DNAH14: variants seen among roughly 807,000 people sequenced by gnomAD.
DNAH14 encodes the protein axonemal beta dynein heavy chain 14.
Under a neutral mutation model 520.9 loss-of-function variants are expected in DNAH14, and 478 were observed. That is an observed-to-expected ratio of 0.92 (90% CI 0.85 to 0.99). The LOEUF (loss-of-function observed/expected upper bound fraction) is 0.99. DNAH14 is among the 50% of genes least tolerant of loss of function. The pLI, the probability that DNAH14 is intolerant of heterozygous loss-of-function variation, is 0.00. For synonymous variants in DNAH14, 1,581 were observed against 1,757.2 expected, an observed-to-expected ratio of 0.90 and a Z score of 2.51; for missense variants, 4,831 against 5,234.5, an observed-to-expected ratio of 0.92 and a Z score of 2.38.
intron 55 of DNAH14, among the ~76,000 whole-genome samples, chr1:225,295,861 T>C (rs1387551443): frequency 1.3e-5 from 2 of 152,212 alleles, no homozygotes; most frequent in African/African-American, 2.4e-5. Context: ...CCCCAACTAT[T>C]ATTGTATTGG....
chr1:225,004,696 G>T (rs911264283), intron 9 of DNAH14, among the ~76,000 whole-genome samples: 1 of 152,142 alleles, frequency 6.6e-6, no homozygotes, highest in African/African-American at 2.4e-5. Context: ...GATGGAGGAA[G>T]AGTGGAGATT....
chr1:225,394,428 G>A (rs2095973949), intron 84 of DNAH14, among the ~76,000 whole-genome samples: 1 of 152,082 alleles, frequency 6.6e-6, no homozygotes, highest in Non-Finnish European at 1.5e-5. Flanking sequence ...TTTATTTAGG[G>A]TTAATGCTTT....
At chr1:225,335,878 C>T (rs1390771696) in intron 66 of DNAH14, among the ~76,000 whole-genome samples, 10 of 27,340 alleles carry the variant, frequency 3.7e-4, no homozygotes, top group South Asian at 1.7e-3. Flanking sequence ...TACACATATA[C>T]ATATATGTAC....
intron 75 of DNAH14, among the ~76,000 whole-genome samples, chr1:225,363,444 T>A (rs983278910): frequency 2.0e-5 from 3 of 152,210 alleles, no homozygotes; most frequent in African/African-American, 7.2e-5. Context: ...TATGTTGCCC[T>A]AGCTGAACTT....
At chr1:225,274,356 C>T (rs1409924904) in intron 52 of DNAH14, among the ~76,000 whole-genome samples, 1 of 151,852 alleles carries the variant, frequency 6.6e-6, no homozygotes, top group Non-Finnish European at 1.5e-5. Flanking sequence ...AGGCGCCCGC[C>T]ACTGCGCCCG....
intron 47 of DNAH14, 89 bp downstream of exon 47, chr1:225,264,350 G>A (rs1405458215): frequency 9.5e-7 from 1 of 1,057,494 alleles, no homozygotes; most frequent in Admixed American, 2.7e-5. Flanking sequence ...ATGGATCTCA[G>A]AATAATAATT....
chr1:225,152,247 A>G (rs565999427), intron 32 of DNAH14, among the ~76,000 whole-genome samples, 174 bp downstream of exon 32: 81 of 152,308 alleles, frequency 5.3e-4, no homozygotes, highest in African/African-American at 1.9e-3. Context: ...GCACCTGTTC[A>G]TATGGATAAG....
At chr1:224,931,555 C>T (rs1253136507) in intron 1 of DNAH14, among the ~76,000 whole-genome samples, 1 of 152,078 alleles carries the variant, frequency 6.6e-6, no homozygotes, top group African/African-American at 2.4e-5. Context: ...ACCCTTAAGC[C>T]CACTTCTGTT....
Position 225,100,730 on chromosome 1 carries a change from C to T in DNAH14, c.3713C>T (p.Thr1238Ile). ...SEIRRQLPAE[T>I]ELFSQVISMW... ...TTCTAAAGGCAACTCCCAGCAGAAACAGAACTTTTCTCTCAAGTGATTTCC... is the reference window on the plus strand; with the variant it reads ...TTCTAAAGGCAACTCCCAGCAGAAATAGAACTTTTCTCTCAAGTGATTTCC... Residue 1238 changes from threonine to isoleucine, a missense_variant, in exon 23 of 86, where the codon ACA becomes ATA. Thr to Ile is a moderately conservative substitution (Grantham distance 89, BLOSUM62 -1). Transcript: ENST00000682510. 1 of 1,505,780 alleles carries T rather than the reference C, an allele frequency of 6.6e-7. No individual in the cohort carries two copies. The highest frequency in any genetic ancestry group is 8.8e-7 in the Non-Finnish European group (1 of 1,132,086). 93.3% of individuals were successfully genotyped at this position (1,505,780 alleles called of 1,614,324 possible).
At chr1:225,120,939 A>T (rs2077239609) in intron 26 of DNAH14, among the ~76,000 whole-genome samples, 1 of 152,088 alleles carries the variant, frequency 6.6e-6, no homozygotes, top group Non-Finnish European at 1.5e-5. Context: ...GTTATTTTAG[A>T]TGCAAATTTT....
At chr1:225,181,226 C>T (rs573440919) in intron 36 of DNAH14, among the ~76,000 whole-genome samples, 2 of 152,224 alleles carry the variant, frequency 1.3e-5, no homozygotes, top group South Asian at 2.1e-4. Context: ...TCCAGTCCAC[C>T]GTTAATGGGC....
intron 73 of DNAH14, among the ~76,000 whole-genome samples, chr1:225,356,487 A>T (rs560833718): frequency 6.6e-6 from 1 of 152,190 alleles, no homozygotes; most frequent in African/African-American, 2.4e-5. Context: ...TTTGTTATCT[A>T]TCTGACAACT....
At chr1:225,041,621 T>G (rs920621184) in intron 12 of DNAH14, among the ~76,000 whole-genome samples, 1 of 152,116 alleles carries the variant, frequency 6.6e-6, no homozygotes, top group African/African-American at 2.4e-5. Context: ...GCAATGAGAG[T>G]AATAATTTCT....
In DNAH14 at chr1:225,389,802, A is replaced by C; in HGVS notation, c.13259A>C (p.Glu4420Ala). 1 of 1,552,052 alleles carries C rather than the reference A, an allele frequency of 6.4e-7. No homozygotes were observed. The highest frequency in any genetic ancestry group is 1.2e-5 in the South Asian group (1 of 84,066). ...PSTSQKCKHPEDSENNFFEGF... is the reference protein window; with the variant it reads ...PSTSQKCKHPADSENNFFEGF... ...ACTAGCCAAAAATGCAAACACCCTGAGGATTCAGAGAACAATTTCTTTGAA... is the reference window on the plus strand; with the variant it reads ...ACTAGCCAAAAATGCAAACACCCTGCGGATTCAGAGAACAATTTCTTTGAA... The change falls in exon 83 of 86, where the codon GAG becomes GCG. Residue 4420 changes from glutamate to alanine, a missense_variant. Transcript: ENST00000682510.
In DNAH14 at chr1:225,324,817, A is replaced by T; in HGVS notation, c.9708A>T (p.Gln3236His). The stretch of plus-strand genomic sequence containing the variant: ...CGCGACAAAGACTTGCTGAGAAACA[A>T]AGAGGTTTACAGCTGGTAAGAAATA... ...KIARQRLAEK[Q>H]RGLQLVEEHL... Residue 3236 changes from glutamine (Q) to histidine (H), a missense_variant, in exon 64 of 86, where the codon CAA becomes CAT. Gln to His is a conservative substitution (Grantham distance 24). Transcript: ENST00000682510. The T allele has an allele frequency of 6.4e-7, 1 of 1,551,462 alleles. No homozygotes were observed. Among genetic ancestry groups the T allele is most frequent in the Non-Finnish European group, 8.7e-7 (1 of 1,146,828 alleles).
intron 36 of DNAH14, 123 bp downstream of exon 36, chr1:225,168,151 A>G: frequency 1.6e-6 from 1 of 622,322 alleles, no homozygotes; most frequent in South Asian, 2.1e-5. Flanking sequence ...AATTAAAGTC[A>G]TTTATTAATT....
chr1:225,148,442 C>T (rs2080163488), intron 31 of DNAH14, among the ~76,000 whole-genome samples: 1 of 135,404 alleles, frequency 7.4e-6, no homozygotes, highest in South Asian at 2.4e-4. Flanking sequence ...CACTCTGTTG[C>T]CCAGGCTGGA....
At chr1:224,951,003 T>C (rs1571997529) in intron 1 of DNAH14, among the ~76,000 whole-genome samples, 1 of 152,166 alleles carries the variant, frequency 6.6e-6, no homozygotes, top group Non-Finnish European at 1.5e-5. Context: ...ACTCACAAAG[T>C]CTGAAATATT....
intron 44 of DNAH14, among the ~76,000 whole-genome samples, chr1:225,255,817 G>T (rs2092711786): frequency 6.6e-6 from 1 of 151,862 alleles, no homozygotes; most frequent in African/African-American, 2.4e-5. Context: ...CATTTATAAA[G>T]AAATAAAAAG....
Sources: gnomAD v4.1 joint callset for allele counts (sites outside exome capture counted in the v4.1 genomes callset) on GRCh38, gnomAD v4.1.1 for gene constraint, MANE v1.5 for transcripts, NCBI Gene and HGNC (gene_info 2026-07-23, HGNC 2026-07-21) for gene names.